Variants in UFSP2 observed in about 807,000 individuals in gnomAD.
UFSP2 encodes UFM1 specific peptidase 2.
In UFSP2, 43 loss-of-function variants were observed where a neutral mutation model predicts 60.2. The observed-to-expected ratio is 0.71, with a 90% CI of 0.56 to 0.92. The LOEUF (loss-of-function observed/expected upper bound fraction) is 0.92, where lower values mean the gene tolerates loss of function less well. Ranked by LOEUF, UFSP2 falls within the 40% of genes least tolerant of loss-of-function variation. UFSP2 has a pLI of 0.00. For synonymous variants in UFSP2, 183 were observed against 195.1 expected (o/e 0.94, Z 0.52); for missense variants, 520 against 575.0 (o/e 0.90, Z 0.98).
Position 185,415,359 on chromosome 4 carries a change from A to AC in UFSP2, c.492-13_492-12insG. ...GGAGTTTACGAACTCTGTGGGGGGA[A>AC]ATATATAAGTGTATTAACAAAAGTT... On this transcript the variant is annotated splice_polypyrimidine_tract_variant and intron_variant, in intron 5 of 11. Transcript: ENST00000264689. The AC allele has an allele frequency of 6.4e-7, 1 of 1,558,588 alleles. No homozygotes were observed. Among genetic ancestry groups the AC allele is most frequent in the South Asian group, 1.2e-5 (1 of 81,284 alleles).
chr4:185,401,179 C>G (rs1221294759), intron 11 of UFSP2, among the ~76,000 whole-genome samples: 3 of 152,118 alleles, frequency 2.0e-5, no homozygotes, highest in Admixed American at 1.3e-4. Context: ...TCTGAAAATA[C>G]CATGAAGTGA....
intron 4 of UFSP2, chr4:185,416,070 C>T (rs2095538173): frequency 2.4e-6 from 1 of 412,886 alleles, no homozygotes; most frequent in Admixed American, 4.1e-5. Context: ...AGATAACTCA[C>T]TACCCTCAGA....
intron 7 of UFSP2, among the ~76,000 whole-genome samples, chr4:185,410,475 C>A (rs1422646071): frequency 6.6e-6 from 1 of 151,640 alleles, no homozygotes; most frequent in African/African-American, 2.4e-5. Context: ...ATGATGAAAC[C>A]CTGTCTCTAC....
chr4:185,425,889 A>T lies in UFSP2; in HGVS notation c.-21T>A. The T allele has an allele frequency of 6.3e-7, 1 of 1,596,200 alleles. No homozygotes were observed. Among genetic ancestry groups the T allele is most frequent in the South Asian group, 1.1e-5 (1 of 88,376 alleles). ...ACCATGTCCGCGACGTGGCGGTGAC[A>T]CGGGCGCTGACGCCTGCCCAAAAGT... On this transcript the variant is annotated 5_prime_UTR_variant, in exon 1 of 12. Coordinates refer to ENST00000264689, the MANE Select transcript of UFSP2 (RefSeq NM_018359.5).
At chr4:185,423,539 CCTAA>C (rs1371930288) in intron 1 of UFSP2, among the ~76,000 whole-genome samples, 1 of 144,636 alleles carries the variant, frequency 6.9e-6, no homozygotes, top group African/African-American at 2.5e-5. Flanking sequence ...TGGATATTAA[CCTAA>C]CTGCCAACAA....
intron 11 of UFSP2, 62 bp downstream of exon 11, chr4:185,403,432 T>G: frequency 3.8e-6 from 6 of 1,584,100 alleles, no homozygotes; most frequent in Non-Finnish European, 5.2e-6. Context: ...CCAGCCAGTT[T>G]GTGATCCTTC....
chr4:185,425,813 C>T (rs898110741), intron 1 of UFSP2, 53 bp downstream of exon 1: 8 of 1,585,674 alleles, frequency 5.0e-6, no homozygotes, highest in Middle Eastern at 1.7e-4. Flanking sequence ...CTCGTGGCGG[C>T]TGCCAAAGTC....
In UFSP2 at chr4:185,418,450, T is replaced by C; in HGVS notation, c.324A>G (p.Leu108=). 6.2e-7 allele frequency: 1 copy of C among 1,608,190 alleles called. No homozygotes were observed. ...CAGATAGTTTGCTTACCATGTCTGA[T>C]AACTTTTTGTCCTTCTTTCTCATGA... ...RKFMRKKDKK[L]SDMHQIVNID... The change falls in exon 4 of 12, where the codon TTA becomes TTG. Residue 108 remains leucine, a synonymous_variant. Transcript: ENST00000264689.
At chr4:185,405,915 A>G in intron 9 of UFSP2, 59 bp from the exon 10 acceptor site, 1 of 1,612,758 alleles carries the variant, frequency 6.2e-7, no homozygotes, top group Non-Finnish European at 8.5e-7. Flanking sequence ...TCAAATAATG[A>G]GCTAGGAGAC....
intron 7 of UFSP2, among the ~76,000 whole-genome samples, chr4:185,412,586 T>C (rs371113105): frequency 2.6e-5 from 4 of 152,152 alleles, no homozygotes; most frequent in African/African-American, 7.2e-5. Context: ...GGAAATGCAG[T>C]TGGAATGAGG....
At chr4:185,422,632 A>C in intron 1 of UFSP2, 69 bp from the exon 2 acceptor site, 1 of 1,064,124 alleles carries the variant, frequency 9.4e-7, no homozygotes, top group Non-Finnish European at 1.4e-6. Context: ...TATAAATTAG[A>C]ATCTAAGTTT....
At chr4:185,402,683 C>T (rs2095514785) in intron 11 of UFSP2, among the ~76,000 whole-genome samples, 1 of 152,128 alleles carries the variant, frequency 6.6e-6, no homozygotes, top group Non-Finnish European at 1.5e-5. Context: ...ACCATGTTGG[C>T]CAGGCTGGTC....
chr4:185,403,624 G>A lies in UFSP2; in HGVS notation c.1199-6C>T. 1 of 1,595,880 alleles carries A rather than the reference G, an allele frequency of 6.3e-7. No individual in the cohort carries two copies. The highest frequency in any genetic ancestry group is 8.5e-7 in the Non-Finnish European group (1 of 1,175,400). On this transcript the variant is annotated splice_polypyrimidine_tract_variant and splice_region_variant and intron_variant, in intron 10 of 11. Transcript: ENST00000264689. ...GTGGGCCAAAACTCCTCCCCCTATA[G>A]AAGAAAAAATAGGAAATACGAATGA...
chr4:185,423,803 C>T (rs144471963), intron 1 of UFSP2, among the ~76,000 whole-genome samples: 1 of 151,882 alleles, frequency 6.6e-6, no homozygotes, highest in African/African-American at 2.4e-5. Flanking sequence ...TACATATATA[C>T]ATACATATAT....
At chr4:185,412,562 G>A (rs543744510) in intron 7 of UFSP2, among the ~76,000 whole-genome samples, 64 of 152,292 alleles carry the variant, frequency 4.2e-4, no homozygotes, top group African/African-American at 1.5e-3. Context: ...GAGTTAGCCA[G>A]GCAGCCAGGA....
At chr4:185,402,118 TCGAGA>T in intron 11 of UFSP2, 2 of 285,574 alleles carry the variant, frequency 7.0e-6, no homozygotes, top group African/African-American at 2.2e-5. Flanking sequence ...TTTTTTTTTC[TCGAGA>T]GTCCTTTTTG....
At chr4:185,401,125 T>C (rs2095512696) in intron 11 of UFSP2, among the ~76,000 whole-genome samples, 1 of 152,244 alleles carries the variant, frequency 6.6e-6, no homozygotes, top group Admixed American at 6.5e-5. Flanking sequence ...CTGTATTATA[T>C]GATTCTTAAA....
intron 11 of UFSP2, chr4:185,402,227 A>G: frequency 2.3e-6 from 1 of 440,254 alleles, no homozygotes. Flanking sequence ...CTTGTTAGGT[A>G]CTTTAATAAA....
chr4:185,411,935 T>A lies in UFSP2; in HGVS notation c.831+1791A>T, dbSNP rs926546390. Among the ~76,000 whole-genome samples the A allele has an allele frequency of 3.3e-5, 5 of 152,306 alleles. No homozygotes were observed. The South Asian group carries it at 6.2e-4, about 19-fold the overall frequency. On this transcript the variant is annotated intron_variant, in intron 7 of 11. Transcript: ENST00000264689. ...AATACTAAAAGCGACATTGCTGAGA[T>A]TGATATGTAACATATACGCTGAAAC...
Sources: allele counts gnomAD v4.1 joint callset (sites outside exome capture counted in the v4.1 genomes callset), GRCh38; gene constraint gnomAD v4.1.1; transcripts MANE v1.5; gene names NCBI Gene and HGNC (gene_info 2026-07-23, HGNC 2026-07-21).